STK32A: variants seen among roughly 807,000 people sequenced by gnomAD.
The protein encoded by STK32A is serine/threonine-protein kinase 32A.
STK32A carries 41 observed loss-of-function variants against 53.2 expected under a neutral mutation model. That is an observed-to-expected ratio of 0.77 (90% confidence interval 0.60 to 1.00). The LOEUF is 1.00. Ranked by LOEUF, STK32A falls within the 50% of genes least tolerant of loss-of-function variation. STK32A has a pLI of 0.00. For synonymous variants in STK32A, 166 were observed against 162.8 expected (o/e 1.02, Z -0.15); for missense variants, 458 against 485.8 (o/e 0.94, Z 0.54).
chr5:147,388,995 C>T (rs1456649616), downstream of STK32A, among the ~76,000 whole-genome samples: 2 of 152,174 alleles, frequency 1.3e-5, no homozygotes, highest in African/African-American at 4.8e-5. Flanking sequence ...TAAACCAAAG[C>T]TTATTAAACA....
At chr5:147,368,445 TTAAG>T (rs1232040010) in intron 8 of STK32A, among the ~76,000 whole-genome samples, 4 of 151,448 alleles carry the variant, frequency 2.6e-5, no homozygotes, top group Non-Finnish European at 5.9e-5. Context: ...TCCCATTTAT[TTAAG>T]TGTGTGTGTG....
chr5:147,287,435 C>T (rs1413796199), intron 4 of STK32A, among the ~76,000 whole-genome samples: 1 of 152,160 alleles, frequency 6.6e-6, no homozygotes, highest in Non-Finnish European at 1.5e-5. Flanking sequence ...AGGTTTTACT[C>T]TGTGTTTAGG....
chr5:147,281,490 C>T (rs1302861610), intron 4 of STK32A, among the ~76,000 whole-genome samples: 6 of 151,928 alleles, frequency 3.9e-5, no homozygotes, highest in Admixed American at 3.9e-4. Context: ...TAGAATTGAA[C>T]AAGTAGAAGA....
intron 11 of STK32A, among the ~76,000 whole-genome samples, chr5:147,377,280 C>T (rs1318101950): frequency 3.3e-5 from 5 of 152,046 alleles, no homozygotes; most frequent in African/African-American, 1.2e-4. Context: ...TACCTTCATT[C>T]CAATTATTTC....
chr5:147,299,998 C>T (rs1753053173), intron 4 of STK32A, among the ~76,000 whole-genome samples: 1 of 152,090 alleles, frequency 6.6e-6, no homozygotes, highest in East Asian at 1.9e-4. Flanking sequence ...TGAGCTATTT[C>T]TCTCTTCTCA....
intron 2 of STK32A, among the ~76,000 whole-genome samples, chr5:147,256,852 T>C (rs1754259681): frequency 1.3e-5 from 2 of 152,068 alleles, no homozygotes; most frequent in South Asian, 2.1e-4. Context: ...ATCTTGGTCT[T>C]GTTGTTAGAT....
At chr5:147,367,986 C>G (rs750459775) in intron 8 of STK32A, among the ~76,000 whole-genome samples, 2 of 152,204 alleles carry the variant, frequency 1.3e-5, no homozygotes, top group Admixed American at 6.5e-5. Flanking sequence ...TTCCTCCATA[C>G]GTACAAATTT....
At chr5:147,352,151 G>A (rs960334515) in intron 7 of STK32A, among the ~76,000 whole-genome samples, 1 of 152,188 alleles carries the variant, frequency 6.6e-6, no homozygotes, top group African/African-American at 2.4e-5. Flanking sequence ...GTTGGAGGCT[G>A]CAGTGAGCTA....
chr5:147,370,577 A>C lies in STK32A; in HGVS notation c.661-77A>C, dbSNP rs971826528. 4 of 874,922 alleles carry C rather than the reference A, an allele frequency of 4.6e-6. No individual in the cohort carries two copies. In the African/African-American group the frequency reaches 5.1e-5, roughly 11 times the overall value. The allele number at this position is 874,922 out of a possible 1,614,324, so 54.2% of individuals were successfully genotyped here. Reference sequence around the variant, plus strand: ...TAGATATTTTATCGGTTGAAAGTTTAGCTTGGAAACATTTGGAAATTTTTT... The same window carrying C: ...TAGATATTTTATCGGTTGAAAGTTTCGCTTGGAAACATTTGGAAATTTTTT... On this transcript the variant is annotated intron_variant, in intron 8 of 12. Transcript: ENST00000397936.
rs914238284 is a variant in STK32A at position 147,353,078 on chromosome 5, A to C, written c.562+1924A>C. On this transcript the variant is annotated intron_variant, in intron 7 of 12. Coordinates refer to ENST00000397936, the MANE Select transcript of STK32A (RefSeq NM_001112724.2). ...GTAGCTAGGAGTCACAACTTCCACC[A>C]CAGACCCCTAAAGAGAGATTACTCT... Among the ~76,000 whole-genome samples the C allele has an allele frequency of 2.6e-5, 4 of 152,160 alleles. 1 individual carries two copies. The highest frequency in any genetic ancestry group is 5.9e-5 in the Non-Finnish European group (4 of 68,024).
At chr5:147,297,763 A>T (rs1752933381) in intron 4 of STK32A, among the ~76,000 whole-genome samples, 1 of 152,116 alleles carries the variant, frequency 6.6e-6, no homozygotes, top group Non-Finnish European at 1.5e-5. Flanking sequence ...GAATCACTTG[A>T]GGTCAGGAGT....
intron 4 of STK32A, among the ~76,000 whole-genome samples, chr5:147,292,437 A>G (rs1752639952): frequency 6.6e-6 from 1 of 152,256 alleles, no homozygotes; most frequent in African/African-American, 2.4e-5. Context: ...GGTAGAGAGT[A>G]AGATGTTTCA....
chr5:147,351,165 C>T lies in STK32A; in HGVS notation c.562+11C>T, dbSNP rs146677181. 586 of 1,605,486 alleles carry T rather than the reference C, an allele frequency of 3.6e-4. 1 individual carries two copies. The African/African-American group carries it at 6.9e-3, about 19-fold the overall frequency. On this transcript the variant is annotated intron_variant, in intron 7 of 12. Transcript: ENST00000397936. ...CCAAGCCTTACATGGGTATGGGTTTCATGAGTGTCTTTTTTTTTTCTTTCC... is the reference window on the plus strand; with the variant it reads ...CCAAGCCTTACATGGGTATGGGTTTTATGAGTGTCTTTTTTTTTTCTTTCC...
At chr5:147,360,492 AAAG>A (rs1229781885) in intron 7 of STK32A, among the ~76,000 whole-genome samples, 1 of 151,084 alleles carries the variant, frequency 6.6e-6, no homozygotes, top group African/African-American at 2.4e-5. Context: ...AGAAAGAAAG[AAAG>A]AAAAAAAAGG....
intron 5 of STK32A, among the ~76,000 whole-genome samples, chr5:147,326,986 T>C (rs1754626965): frequency 6.6e-6 from 1 of 152,184 alleles, no homozygotes; most frequent in African/African-American, 2.4e-5. Context: ...CCCAAAACTC[T>C]GGGATTACAG....
chr5:147,361,686 T>G (rs1756512238), intron 8 of STK32A, 72 bp downstream of exon 8: 31 of 1,005,716 alleles, frequency 3.1e-5, no homozygotes, highest in Non-Finnish European at 4.0e-5. Context: ...AATGTATTGT[T>G]TGCTAAGATC....
intron 4 of STK32A, among the ~76,000 whole-genome samples, chr5:147,297,786 T>C (rs934361769): frequency 6.6e-6 from 1 of 152,060 alleles, no homozygotes; most frequent in African/African-American, 2.4e-5. Context: ...GAGACCAGTC[T>C]GGTTCACATG....
At chr5:147,242,016 C>T (rs1333090315) in intron 2 of STK32A, among the ~76,000 whole-genome samples, 1 of 152,168 alleles carries the variant, frequency 6.6e-6, no homozygotes, top group Non-Finnish European at 1.5e-5. Flanking sequence ...AGAATTGTGA[C>T]AATTGGGAAA....
intron 4 of STK32A, among the ~76,000 whole-genome samples, chr5:147,290,138 C>T (rs532484775): frequency 7.2e-4 from 109 of 152,140 alleles, no homozygotes; most frequent in Admixed American, 3.9e-4. Context: ...CAGAAATAGA[C>T]GGAGCCCTGA....
Sources: gnomAD v4.1 joint callset for allele counts (sites outside exome capture counted in the v4.1 genomes callset) on GRCh38, gnomAD v4.1.1 for gene constraint, MANE v1.5 for transcripts, NCBI Gene and HGNC (gene_info 2026-07-23, HGNC 2026-07-21) for gene names.